ZNF718: variants seen among roughly 807,000 people sequenced by gnomAD.
ZNF718 encodes the protein zinc finger protein 718.
Under a neutral mutation model 2.6 loss-of-function variants are expected in ZNF718, and 3 were observed. The ratio of observed to expected loss-of-function variants is 1.16; its 90% CI spans 0.53 to 3.01. The LOEUF (loss-of-function observed/expected upper bound fraction) is 3.01, where lower values mean the gene tolerates loss of function less well. Ranked by LOEUF, ZNF718 falls within the 30% of genes most tolerant of loss-of-function variation. The pLI, the probability that ZNF718 is intolerant of heterozygous loss-of-function variation, is 0.03. For synonymous variants in ZNF718, 135 were observed against 77.9 expected (o/e 1.73, Z -3.86); for missense variants, 468 against 230.0 (o/e 2.03, Z -6.69).
intron 3 of ZNF718, among the ~76,000 whole-genome samples, chr4:170,152 C>A (rs539624463): frequency 2.6e-5 from 4 of 152,154 alleles, no homozygotes; most frequent in Non-Finnish European, 4.4e-5. Context: ...AAATTCTTTT[C>A]TTTAAGAATG....
chr4:152,192 A>G (rs1446569412), intron 3 of ZNF718, among the ~76,000 whole-genome samples: 1 of 145,578 alleles, frequency 6.9e-6, no homozygotes, highest in Non-Finnish European at 1.5e-5. Context: ...GAGACATTCC[A>G]TTGCCCAGGG....
intron 3 of ZNF718, among the ~76,000 whole-genome samples, chr4:194,698 A>G (rs556248965): frequency 6.6e-6 from 1 of 152,314 alleles, no homozygotes; most frequent in Non-Finnish European, 1.5e-5. Context: ...CAGAGAATTT[A>G]CCTAGGTCTA....
intron 3 of ZNF718, among the ~76,000 whole-genome samples, chr4:139,330 C>T (rs1253364851): frequency 1.3e-5 from 2 of 152,030 alleles, no homozygotes; most frequent in Non-Finnish European, 2.9e-5. Flanking sequence ...AGTTTTATTC[C>T]TCTGAATATG....
At chr4:175,048 A>C (rs1426469385) in intron 3 of ZNF718, among the ~76,000 whole-genome samples, 5 of 152,186 alleles carry the variant, frequency 3.3e-5, no homozygotes, top group Admixed American at 3.3e-4. Context: ...TCTATGCCTT[A>C]GTTTTATTGA....
At position 176,321 on chromosome 4, in the gene ZNF718, T is replaced by A. The variant is rs147637914; in HGVS notation, c.227-24760T>A. 6.9e-3 allele frequency among the ~76,000 whole-genome samples: 1,046 copies of A among 152,274 alleles called. 13 individuals carry two copies. The highest frequency in any genetic ancestry group is 0.012 in the Non-Finnish European group (787 of 68,014). On this transcript the variant is annotated intron_variant and NMD_transcript_variant, in intron 3 of 4. Coordinates refer to the ZNF718 transcript ENST00000642529. ...ACCTCTTCATACAAAACCTTCCCCCTGCTAACATACTATTTCTAACCCAAG... is the reference window on the plus strand; with the variant it reads ...ACCTCTTCATACAAAACCTTCCCCCAGCTAACATACTATTTCTAACCCAAG...
intron 3 of ZNF718, among the ~76,000 whole-genome samples, chr4:187,085 G>T (rs781921695): frequency 3.3e-5 from 5 of 152,114 alleles, no homozygotes; most frequent in Non-Finnish European, 7.4e-5. Flanking sequence ...TGGGGTTATT[G>T]TGGGGGTTTT....
intron 3 of ZNF718, among the ~76,000 whole-genome samples, chr4:142,927 C>T (rs1715877348): frequency 6.6e-6 from 1 of 152,156 alleles, no homozygotes; most frequent in Non-Finnish European, 1.5e-5. Flanking sequence ...GTATTTTCCT[C>T]CCAATAGTCA....
intron 3 of ZNF718, among the ~76,000 whole-genome samples, chr4:138,288 C>G (rs1715661104): frequency 6.6e-6 from 1 of 152,206 alleles, no homozygotes; most frequent in Non-Finnish European, 1.5e-5. Context: ...CAGTCCCCTG[C>G]TACACTTTCC....
At chr4:157,414 CTTG>C (rs782363329) in intron 3 of ZNF718, among the ~76,000 whole-genome samples, 1 of 152,052 alleles carries the variant, frequency 6.6e-6, no homozygotes, top group South Asian at 2.1e-4. Flanking sequence ...CGCACCCGGC[CTTG>C]TTGTTTTTCT....
Position 181,039 on chromosome 4 carries a change from G to A in ZNF718, c.227-20042G>A, listed in dbSNP as rs1230090585. 2.0e-5 allele frequency among the ~76,000 whole-genome samples: 3 copies of A among 151,008 alleles called. No individual in the cohort carries two copies. The East Asian group carries it at 5.9e-4, about 30-fold the overall frequency. On this transcript the variant is annotated intron_variant and NMD_transcript_variant, in intron 3 of 4. Coordinates refer to the ZNF718 transcript ENST00000642529. Reference sequence around the variant, plus strand: ...AAGTAGTATTCTTTATTTTTCTCTTGTTTTGAGACAGGGTCTCTGTCACCC... The same window carrying A: ...AAGTAGTATTCTTTATTTTTCTCTTATTTTGAGACAGGGTCTCTGTCACCC...
chr4:191,055 T>A lies in ZNF718; in HGVS notation c.227-10026T>A, dbSNP rs1444999546. Among the ~76,000 whole-genome samples the A allele has an allele frequency of 4.6e-5, 7 of 151,992 alleles. No individual in the cohort carries two copies. In the East Asian group the frequency reaches 5.8e-4, roughly 13 times the overall value. On this transcript the variant is annotated intron_variant and NMD_transcript_variant, in intron 3 of 4. Coordinates refer to the ZNF718 transcript ENST00000642529. ...TCCATCTCAAAAAATATATATATATTTTTTTCTACAGAATATATTTTCAAA... is the reference window on the plus strand; with the variant it reads ...TCCATCTCAAAAAATATATATATATATTTTTCTACAGAATATATTTTCAAA...
intron 3 of ZNF718, among the ~76,000 whole-genome samples, chr4:142,228 TA>T (rs1553810379): frequency 2.6e-5 from 4 of 152,212 alleles, no homozygotes; most frequent in African/African-American, 9.7e-5. Context: ...GTTCACAAAT[TA>T]AAACTTCTAT....
chr4:158,803 C>T (rs1553814248), intron 3 of ZNF718, among the ~76,000 whole-genome samples: 1 of 151,150 alleles, frequency 6.6e-6, no homozygotes, highest in South Asian at 2.1e-4. Flanking sequence ...TTTGTATGTG[C>T]ATATCTTTCC....
intron 3 of ZNF718, among the ~76,000 whole-genome samples, chr4:184,141 G>A (rs1348204872): frequency 2.6e-5 from 4 of 152,026 alleles, no homozygotes; most frequent in Admixed American, 2.0e-4. Flanking sequence ...GTTGGCTGTG[G>A]GTTTGTCATA....
chr4:133,195 AATATATATATATAT>A (rs1164522262), intron 3 of ZNF718, among the ~76,000 whole-genome samples: 3 of 20,774 alleles, frequency 1.4e-4, no homozygotes, highest in African/African-American at 3.4e-4. Flanking sequence ...AAAAAAAAAA[AATATATATATATAT>A]ATATATATAT....
intron 3 of ZNF718, among the ~76,000 whole-genome samples, chr4:188,671 C>T (rs1246027407): frequency 6.6e-6 from 1 of 152,214 alleles, no homozygotes; most frequent in Non-Finnish European, 1.5e-5. Flanking sequence ...CTCCACACAA[C>T]TCTGTGTGTC....
chr4:149,183 T>G (rs1553812044), intron 3 of ZNF718, among the ~76,000 whole-genome samples: 1 of 152,218 alleles, frequency 6.6e-6, no homozygotes, highest in Non-Finnish European at 1.5e-5. Flanking sequence ...GATTTCAAAT[T>G]CAAAATTTCT....
At chr4:164,830 A>G (rs1445236804), downstream of ZNF718, among the ~76,000 whole-genome samples, 6 of 152,136 alleles carry the variant, frequency 3.9e-5, no homozygotes, top group Non-Finnish European at 8.8e-5. Flanking sequence ...GGATGTTTTG[A>G]TATGTAATTG....
chr4:181,480 T>C (rs138507860), intron 3 of ZNF718, among the ~76,000 whole-genome samples: 23 of 152,210 alleles, frequency 1.5e-4, no homozygotes, highest in African/African-American at 5.1e-4. Flanking sequence ...TTGAGTTAGG[T>C]GGTTCAGCTT....
Sources: gnomAD v4.1 joint callset for allele counts (sites outside exome capture counted in the v4.1 genomes callset) on GRCh38, gnomAD v4.1.1 for gene constraint, MANE v1.5 for transcripts, NCBI Gene and HGNC (gene_info 2026-07-23, HGNC 2026-07-21) for gene names.